FCAR: variants seen among roughly 807,000 people sequenced by gnomAD.
FCAR encodes the protein Fc alpha receptor.
In FCAR, 21 loss-of-function variants were observed where a neutral mutation model predicts 27.1. That is an observed-to-expected ratio of 0.77 (90% confidence interval 0.55 to 1.11). The LOEUF (loss-of-function observed/expected upper bound fraction) is 1.11, where lower values mean the gene tolerates loss of function less well. FCAR is among the 50% of genes most tolerant of loss of function. The pLI is 0.00. For synonymous variants in FCAR, 134 were observed against 135.8 expected, an observed-to-expected ratio of 0.99 and a Z score of 0.09; for missense variants, 404 against 358.4, an observed-to-expected ratio of 1.13 and a Z score of -1.03.
intron 2 of FCAR, 85 bp downstream of exon 2, chr19:54,875,450 C>G: frequency 9.0e-7 from 1 of 1,116,478 alleles, no homozygotes. Flanking sequence ...GCCTGAAGCA[C>G]CATTCTTATT....
intron 2 of FCAR, among the ~76,000 whole-genome samples, chr19:54,884,333 G>A (rs144233548): frequency 1.4e-3 from 208 of 152,252 alleles, no homozygotes; most frequent in African/African-American, 4.9e-3. Context: ...TGTTGCCTCT[G>A]CAAAAACCCC....
chr19:54,889,957 G>C lies in FCAR; in HGVS notation c.*94G>C, dbSNP rs1293384906. The C allele has an allele frequency of 7.5e-6, 7 of 929,022 alleles. No homozygotes were observed. The highest frequency in any genetic ancestry group is 7.0e-5 in the Admixed American group (3 of 42,606). The allele number at this position is 929,022 out of a possible 1,614,324, so 57.5% of individuals were successfully genotyped here. On this transcript the variant is annotated 3_prime_UTR_variant, in exon 5 of 5. Coordinates refer to ENST00000355524, the MANE Select transcript of FCAR (RefSeq NM_002000.4). ...GAGAGAAAAGCTCACTAAGAAGCTT[G>C]AATCTACTTTTTTTTTTTTTTGAGA...
intron 3 of FCAR, among the ~76,000 whole-genome samples, chr19:54,885,994 C>G (rs937634111): frequency 1.1e-4 from 17 of 152,256 alleles, no homozygotes; most frequent in African/African-American, 3.8e-4. Flanking sequence ...CGCCTGTAAT[C>G]CCAACACTTT....
intron 2 of FCAR, among the ~76,000 whole-genome samples, chr19:54,879,468 GTCT>G (rs2066287570): frequency 6.6e-6 from 1 of 152,082 alleles, no homozygotes; most frequent in Admixed American, 6.5e-5. Flanking sequence ...GCATTTGCTT[GTCT>G]GTAAAGGATC....
Position 54,890,047 on chromosome 19 carries a change from G to A in FCAR, c.*184G>A, listed in dbSNP as rs2066994217. 2 of 592,286 alleles carry A rather than the reference G, an allele frequency of 3.4e-6. No homozygotes were observed. Among genetic ancestry groups the A allele is most frequent in the African/African-American group, 3.8e-5 (2 of 53,308 alleles). The allele number at this position is 592,286 out of a possible 1,614,324, so 36.7% of individuals were successfully genotyped here. On this transcript the variant is annotated 3_prime_UTR_variant, in exon 5 of 5. Transcript: ENST00000355524. Reference sequence around the variant, plus strand: ...GCAATCTCGGCTCATTGAACCTCTTGGGTTCAAGTGATTCTTGTGCCTCAG... The same window carrying A: ...GCAATCTCGGCTCATTGAACCTCTTAGGTTCAAGTGATTCTTGTGCCTCAG...
chr19:54,875,523 A>G (rs1368849943), intron 2 of FCAR, among the ~76,000 whole-genome samples, 158 bp downstream of exon 2: 2 of 152,166 alleles, frequency 1.3e-5, no homozygotes, highest in African/African-American at 4.8e-5. Context: ...TCACTTTGTT[A>G]TCTCCAAACC....
chr19:54,885,049 A>C (rs921063724), intron 2 of FCAR, among the ~76,000 whole-genome samples, 186 bp from the exon 3 acceptor site: 2 of 151,794 alleles, frequency 1.3e-5, no homozygotes, highest in Non-Finnish European at 2.9e-5. Flanking sequence ...CTTGTGATCC[A>C]CCCGCCTCGG....
chr19:54,885,830 G>T (rs369959554), intron 3 of FCAR, among the ~76,000 whole-genome samples: 1 of 152,192 alleles, frequency 6.6e-6, no homozygotes, highest in Admixed American at 6.5e-5. Context: ...TTCACATTGC[G>T]GCTGGGAGTG....
chr19:54,888,726 G>A (rs587643329), intron 4 of FCAR: 75 of 746,364 alleles, frequency 1.0e-4, no homozygotes, highest in African/African-American at 6.1e-4. Context: ...GGCTGGTCTC[G>A]AACTCCCGAC....
chr19:54,885,501 G>T lies in FCAR; in HGVS notation c.337G>T (p.Asp113Tyr). 1.9e-6 allele frequency: 3 copies of T among 1,612,580 alleles called. No individual in the cohort carries two copies. Among genetic ancestry groups the T allele is most frequent in the Non-Finnish European group, 2.5e-6 (3 of 1,178,598 alleles). Residue 113 changes from aspartate to tyrosine, a missense_variant, in exon 3 of 5, where the codon GAC (aspartate) becomes TAC (tyrosine). By Grantham distance (160) the Asp-to-Tyr change is radical. Transcript: ENST00000355524. ...AGGGCACTACAGGTTCCGGTACAGT[G>T]ACACCCTGGAGCTGGTAGTGACAGG... ...RIGHYRFRYS[D>Y]TLELVVTGLY...
Position 54,890,516 on chromosome 19 carries a change from C to T in FCAR, c.*653C>T, listed in dbSNP as rs2067021088. 1 of 152,070 alleles carries T rather than the reference C, an allele frequency of 6.6e-6. No homozygotes were observed. The highest frequency in any genetic ancestry group is 2.4e-5 in the African/African-American group (1 of 41,384). The allele number at this position is 152,070 out of a possible 1,614,324, so 9.4% of individuals were successfully genotyped here. ...GATCTCGGCTCACTGCAACCTCTGC[C>T]TCCTGGGTTCAAGTGATTCTCCTGC... is the stretch of plus-strand genomic sequence containing the variant. On this transcript the variant is annotated 3_prime_UTR_variant, in exon 5 of 5. Coordinates refer to ENST00000355524, the MANE Select transcript of FCAR (RefSeq NM_002000.4).
intron 1 of FCAR, among the ~76,000 whole-genome samples, chr19:54,874,697 T>C (rs62123422): frequency 2.6e-5 from 3 of 116,546 alleles, no homozygotes; most frequent in Non-Finnish European, 5.6e-5. Flanking sequence ...AGAAATATGG[T>C]TACTAGTATT....
rs1041099018 is a variant in FCAR, at chr19:54,882,876, T to A, written c.71-2359T>A. On this transcript the variant is annotated intron_variant, in intron 2 of 4. Transcript: ENST00000355524. Reference sequence around the variant, plus strand: ...ACAGGATCTTTATTTGTGGCTGAATTTTTCCCTTCATTGTATACTGGCAAA... The same window carrying A: ...ACAGGATCTTTATTTGTGGCTGAATATTTCCCTTCATTGTATACTGGCAAA... Among the ~76,000 whole-genome samples, 5 of 152,304 alleles carry A rather than the reference T, an allele frequency of 3.3e-5. No individual in the cohort carries two copies. The East Asian group carries it at 5.8e-4, about 18-fold the overall frequency.
intron 1 of FCAR, among the ~76,000 whole-genome samples, chr19:54,874,616 A>C (rs2065990073): frequency 6.6e-6 from 1 of 152,224 alleles, no homozygotes; most frequent in Admixed American, 6.5e-5. Flanking sequence ...GGAATCTGAA[A>C]GGTAAAAATA....
intron 4 of FCAR, among the ~76,000 whole-genome samples, chr19:54,889,231 G>A (rs1210886760): frequency 2.0e-5 from 3 of 151,186 alleles, no homozygotes; most frequent in Non-Finnish European, 4.4e-5. Flanking sequence ...TTAACCAGGC[G>A]TGGTGGTGGT....
At chr19:54,878,139 G>A (rs193115839) in intron 2 of FCAR, among the ~76,000 whole-genome samples, 4 of 152,208 alleles carry the variant, frequency 2.6e-5, no homozygotes, top group South Asian at 2.1e-4. Context: ...GGATGGTCTC[G>A]ATCTCCTGAC....
Position 54,889,862 on chromosome 19 carries a change from A to G in FCAR, c.863A>G (p.Ter288=), listed in dbSNP as rs779411170. The stretch of plus-strand genomic sequence containing the variant: ...GCACGAACACCAAGTGTCTGCAAGT[A>G]AACACCTGGAGGTGAAGGCAGAGAG... The part of the protein sequence containing the change: ...TFARTPSVCK[*] The change falls in exon 5 of 5, where the codon TAA becomes TGA. Residue 288 remains the stop codon, a stop_retained_variant. Transcript: ENST00000355524. 1.9e-6 allele frequency: 3 copies of G among 1,598,940 alleles called. No individual in the cohort carries two copies. In the East Asian group the frequency reaches 6.7e-5, roughly 36 times the overall value.
intron 2 of FCAR, among the ~76,000 whole-genome samples, chr19:54,878,750 C>CTTT (rs2066240888): frequency 2.4e-5 from 2 of 83,560 alleles, no homozygotes; most frequent in African/African-American, 1.2e-4. Context: ...GCAGCTCCTG[C>CTTT]ATTTTTTTTT....
At chr19:54,884,346 T>C (rs587677899) in intron 2 of FCAR, among the ~76,000 whole-genome samples, 14 of 152,204 alleles carry the variant, frequency 9.2e-5, no homozygotes, top group African/African-American at 3.1e-4. Context: ...AAAACCCCAG[T>C]TGCAGCCAGG....
Sources: allele counts gnomAD v4.1 joint callset (sites outside exome capture counted in the v4.1 genomes callset), GRCh38; gene constraint gnomAD v4.1.1; transcripts MANE v1.5; gene names NCBI Gene and HGNC (gene_info 2026-07-23, HGNC 2026-07-21).